Variants in DNAH8 observed in about 807,000 individuals in gnomAD.
DNAH8 encodes dynein axonemal heavy chain 8, also known as axonemal beta dynein heavy chain 8.
A neutral mutation model predicts 562.1 loss-of-function variants in DNAH8; 382 were observed. The observed-to-expected ratio is 0.68, with a 90% CI of 0.63 to 0.74. The LOEUF (loss-of-function observed/expected upper bound fraction) is 0.74. Ranked by LOEUF, DNAH8 falls within the 30% of genes least tolerant of loss-of-function variation. The pLI is 0.00. For missense variants in DNAH8, 5,203 were observed against 5,620.4 expected, an observed-to-expected ratio of 0.93 and a Z score of 2.37; for synonymous variants, 1,881 against 1,919.4, an observed-to-expected ratio of 0.98 and a Z score of 0.52.
intron 43 of DNAH8, among the ~76,000 whole-genome samples, chr6:38,861,621 G>T (rs148869287): frequency 0.021 from 3,231 of 152,170 alleles, 134 homozygotes; most frequent in African/African-American, 0.073. Flanking sequence ...GCAGTGGCGC[G>T]ATCTTGGCTC....
At chr6:38,915,084 A>T (rs978595461) in intron 67 of DNAH8, 117 bp from the exon 68 acceptor site, 1 of 868,608 alleles carries the variant, frequency 1.2e-6, no homozygotes, top group African/African-American at 1.8e-5. Flanking sequence ...TTAGGAAATA[A>T]GTTTGTTCTT....
chr6:38,938,606 A>C (rs1489027631), intron 78 of DNAH8, among the ~76,000 whole-genome samples, 192 bp from the exon 79 acceptor site: 2 of 152,162 alleles, frequency 1.3e-5, no homozygotes, highest in Non-Finnish European at 2.9e-5. Flanking sequence ...GGAGGGTGGG[A>C]GGAGGGAGAG....
intron 67 of DNAH8, among the ~76,000 whole-genome samples, chr6:38,914,312 T>A (rs1053888930): frequency 6.9e-6 from 1 of 145,728 alleles, no homozygotes; most frequent in African/African-American, 2.5e-5. Flanking sequence ...GTTGGTAGAG[T>A]TTTTTTTTTT....
intron 91 of DNAH8, among the ~76,000 whole-genome samples, chr6:39,017,156 A>T (rs546613218): frequency 6.6e-6 from 1 of 151,644 alleles, no homozygotes; most frequent in East Asian, 2.0e-4. Flanking sequence ...AGGCCAGGGG[A>T]ACCTTTGTGC....
intron 32 of DNAH8, among the ~76,000 whole-genome samples, chr6:38,836,884 A>T (rs1423039730): frequency 6.6e-6 from 1 of 151,750 alleles, no homozygotes; most frequent in Non-Finnish European, 1.5e-5. Context: ...GTTACTTGCA[A>T]CCTGAAGGAA....
intron 12 of DNAH8, among the ~76,000 whole-genome samples, chr6:38,773,829 C>T (rs1767809286): frequency 6.6e-6 from 1 of 152,090 alleles, no homozygotes. Context: ...TGAACTCTTG[C>T]ATAGATGAAG....
Position 38,882,971 on chromosome 6 carries a change from G to A in DNAH8, c.7920G>A (p.Pro2640=), listed in dbSNP as rs751198406. The change falls in exon 54 of 93, where the codon CCG becomes CCA. Residue 2640 remains proline, a synonymous_variant. Transcript: ENST00000327475. ...ATTATTATCCAACTGACAGTATTCC[G>A]GAATATTCATCAATTTTGGTTCCAA... ...QPYYYPTDSI[P]EYSSILVPNV... The A allele has an allele frequency of 1.2e-5, 20 of 1,604,100 alleles. No homozygotes were observed. The East Asian group carries it at 1.8e-4, about 14-fold the overall frequency.
At chr6:38,808,731 A>G (rs1428573832) in intron 24 of DNAH8, among the ~76,000 whole-genome samples, 1 of 152,254 alleles carries the variant, frequency 6.6e-6, no homozygotes, top group East Asian at 1.9e-4. Context: ...AAAATGTGGC[A>G]CATATATACC....
At chr6:38,868,003 G>A (rs935747041) in intron 47 of DNAH8, 59 bp from the exon 48 acceptor site, 44 of 1,541,926 alleles carry the variant, frequency 2.9e-5, no homozygotes, top group African/African-American at 1.2e-4. Context: ...AGAGTGAGCC[G>A]TGAGTCTATG....
At chr6:38,796,669 G>C (rs192878451) in intron 21 of DNAH8, among the ~76,000 whole-genome samples, 2 of 152,008 alleles carry the variant, frequency 1.3e-5, no homozygotes, top group Non-Finnish European at 2.9e-5. Flanking sequence ...TCTGATTACC[G>C]GTGCATGCAG....
intron 24 of DNAH8, among the ~76,000 whole-genome samples, chr6:38,809,711 CATT>C (rs1771624537): frequency 6.6e-6 from 1 of 152,118 alleles, no homozygotes; most frequent in African/African-American, 2.4e-5. Context: ...CTTGGCTATT[CATT>C]GCTGATTTTT....
At chr6:38,942,702 GAT>G (rs1254432669) in intron 79 of DNAH8, among the ~76,000 whole-genome samples, 1 of 152,198 alleles carries the variant, frequency 6.6e-6, no homozygotes, top group African/African-American at 2.4e-5. Flanking sequence ...GGCCCCAACA[GAT>G]AGCATTTGTC....
At chr6:38,717,588 T>C (rs933473352) in intron 1 of DNAH8, among the ~76,000 whole-genome samples, 2 of 151,554 alleles carry the variant, frequency 1.3e-5, no homozygotes, top group African/African-American at 2.4e-5. Context: ...TTACAGTATA[T>C]GATATGCACA....
rs773105785 is a variant in DNAH8 at position 39,026,643 on chromosome 6, G to A, written c.13812G>A (p.Lys4604=). 3.7e-6 allele frequency: 6 copies of A among 1,613,630 alleles called. No homozygotes were observed. The South Asian group carries it at 5.5e-5, about 15-fold the overall frequency. ...ACAATGAAGTTCTGAGACAGACCAA[G>A]GAGGAGATCACGTCACCCCCTGGGG... The part of the protein sequence containing the change: ...TIHNEVLRQT[K]EEITSPPGEG... The change falls in exon 92 of 93, where the codon AAG becomes AAA. Residue 4604 remains lysine, a synonymous_variant. Transcript: ENST00000327475.
Position 38,860,596 on chromosome 6 carries a change from C to G in DNAH8, c.6098C>G (p.Thr2033Ser), listed in dbSNP as rs551526597. 1.3e-6 allele frequency: 2 copies of G among 1,545,222 alleles called. No individual in the cohort carries two copies. The highest frequency in any genetic ancestry group is 1.4e-5 in the African/African-American group (1 of 70,818). The change falls in exon 43 of 93, where the codon ACT (threonine) becomes AGT (serine). Residue 2033 changes from threonine (T) to serine (S), a missense_variant. Physicochemically the swap from Thr to Ser is moderately conservative, Grantham distance 58. Coordinates refer to ENST00000327475, the MANE Select transcript of DNAH8 (RefSeq NM_001206927.2). ...TACCAAAATGAATTTCTGGGATGTA[C>G]TGATCGTCTTGTTATCACTCCATTA... ...FIYQNEFLGC[T>S]DRLVITPLTD...
intron 21 of DNAH8, among the ~76,000 whole-genome samples, chr6:38,798,995 C>T (rs1297352157): frequency 6.6e-6 from 1 of 152,190 alleles, no homozygotes; most frequent in Non-Finnish European, 1.5e-5. Context: ...CACCTTCTCT[C>T]TCCTATAGCT....
At chr6:38,851,999 A>G (rs559043571) in intron 39 of DNAH8, among the ~76,000 whole-genome samples, 12 of 152,312 alleles carry the variant, frequency 7.9e-5, no homozygotes, top group African/African-American at 2.9e-4. Flanking sequence ...GGATTATATG[A>G]GATCATGCAT....
chr6:38,788,810 T>C (rs72849937), intron 18 of DNAH8, among the ~76,000 whole-genome samples: 10,937 of 152,306 alleles, frequency 0.072, 536 homozygotes, highest in Non-Finnish European at 0.11. Context: ...TACTTTGTCT[T>C]TTGTGTTTTT....
intron 35 of DNAH8, among the ~76,000 whole-genome samples, chr6:38,843,773 G>A (rs1184608924): frequency 2.0e-5 from 3 of 152,140 alleles, no homozygotes; most frequent in African/African-American, 7.2e-5. Flanking sequence ...TATTGGGGTG[G>A]CTGGGAGGAC....
Sources: gnomAD v4.1 joint callset for allele counts (sites outside exome capture counted in the v4.1 genomes callset) on GRCh38, gnomAD v4.1.1 for gene constraint, MANE v1.5 for transcripts, NCBI Gene and HGNC (gene_info 2026-07-23, HGNC 2026-07-21) for gene names.